RAB13: variants seen among roughly 807,000 people sequenced by gnomAD.
RAB13 encodes ras-related protein Rab-13.
RAB13 carries 15 observed loss-of-function variants against 29.3 expected under a neutral mutation model. That is an observed-to-expected ratio of 0.51 (90% CI 0.34 to 0.79). RAB13 has a LOEUF of 0.79. RAB13 is among the 30% of genes least tolerant of loss of function. The pLI, the probability that RAB13 is intolerant of heterozygous loss-of-function variation, is 0.01. For missense variants in RAB13, 186 were observed against 255.5 expected, an observed-to-expected ratio of 0.73 and a Z score of 1.85; for synonymous variants, 82 against 93.8, an observed-to-expected ratio of 0.87 and a Z score of 0.73.
At chr1:153,985,757 G>T (rs1211254719) in intron 1 of RAB13, among the ~76,000 whole-genome samples, 1 of 152,098 alleles carries the variant, frequency 6.6e-6, no homozygotes, top group Non-Finnish European at 1.5e-5. Flanking sequence ...TGGCGGACAG[G>T]GATACAGGAA....
chr1:153,982,897 C>T (rs1196729788), intron 4 of RAB13, 89 bp from the exon 5 acceptor site: 9 of 1,279,570 alleles, frequency 7.0e-6, no homozygotes, highest in African/African-American at 2.9e-5. Flanking sequence ...GAGGCCAAGG[C>T]GGGTGGATCA....
upstream of RAB13, among the ~76,000 whole-genome samples, chr1:153,988,748 A>C (rs1231365322): frequency 6.8e-6 from 1 of 146,562 alleles, no homozygotes; most frequent in East Asian, 2.0e-4. Flanking sequence ...CGAGTAGCTG[A>C]AATTACAGAC....
upstream of RAB13, among the ~76,000 whole-genome samples, chr1:153,988,982 C>T (rs1649268143): frequency 6.7e-6 from 1 of 148,320 alleles, no homozygotes; most frequent in African/African-American, 2.4e-5. Context: ...TGCAATGGCT[C>T]AATCTCTGGT....
At chr1:153,984,689 G>C (rs748141261) in intron 2 of RAB13, 32 bp downstream of exon 2, 2 of 1,581,774 alleles carry the variant, frequency 1.3e-6, no homozygotes. Context: ...AAATGGGGAA[G>C]TCTGGCGAGG....
At chr1:153,983,019 G>A in intron 4 of RAB13, 200 bp downstream of exon 4, 1 of 723,014 alleles carries the variant, frequency 1.4e-6, no homozygotes, top group Non-Finnish European at 2.4e-6. Context: ...CAGCTACTTG[G>A]GAGGCTGAGG....
chr1:153,985,366 C>T (rs1214945350), intron 1 of RAB13: 3 of 983,886 alleles, frequency 3.0e-6, no homozygotes, highest in Non-Finnish European at 3.6e-6. Flanking sequence ...GTCTATTTCC[C>T]AAGCCAGAGG....
chr1:153,987,940 T>C (rs887249997), upstream of RAB13, among the ~76,000 whole-genome samples: 3 of 151,968 alleles, frequency 2.0e-5, no homozygotes, highest in African/African-American at 7.2e-5. Context: ...GCCTCGGTGA[T>C]AGAGTAAGAT....
rs774929383 is a variant in RAB13 at position 153,984,788 on chromosome 1, G to C, written c.125-7C>G. Reference sequence around the variant, plus strand: ...CGGATCTTGAAATCAATTCCTAGGGGTGGAAGGTATGCACTGAAGTTGAGA... The same window carrying C: ...CGGATCTTGAAATCAATTCCTAGGGCTGGAAGGTATGCACTGAAGTTGAGA... On this transcript the variant is annotated splice_polypyrimidine_tract_variant and splice_region_variant and intron_variant, in intron 1 of 7. Transcript: ENST00000368575. 6.2e-7 allele frequency: 1 copy of C among 1,611,830 alleles called. No individual in the cohort carries two copies. Among genetic ancestry groups the C allele is most frequent in the Admixed American group, 1.7e-5 (1 of 59,664 alleles).
At chr1:153,982,351 A>G in intron 7 of RAB13, 40 bp downstream of exon 7, 1 of 1,566,608 alleles carries the variant, frequency 6.4e-7, no homozygotes. Context: ...ACACACACAC[A>G]CACCCCAGAG....
chr1:153,988,071 G>A (rs1649236749), upstream of RAB13, among the ~76,000 whole-genome samples: 1 of 151,362 alleles, frequency 6.6e-6, no homozygotes, highest in Admixed American at 6.6e-5. Context: ...TGCAACCTCC[G>A]CCTCCCGAAT....
At chr1:153,983,422 C>T (rs1649059612) in intron 3 of RAB13, 99 bp downstream of exon 3, 2 of 1,474,174 alleles carry the variant, frequency 1.4e-6, no homozygotes, top group Non-Finnish European at 1.9e-6. Flanking sequence ...CCACACTGCA[C>T]CCCTCCCATT....
chr1:153,987,348 T>TAC (rs550441211), upstream of RAB13, among the ~76,000 whole-genome samples: 82 of 150,124 alleles, frequency 5.5e-4, no homozygotes, highest in East Asian at 7.3e-3. Context: ...CTACTAAAAA[T>TAC]ACACACACAC....
upstream of RAB13, among the ~76,000 whole-genome samples, chr1:153,986,647 A>G (rs1484657193): frequency 6.6e-6 from 1 of 152,066 alleles, no homozygotes; most frequent in Non-Finnish European, 1.5e-5. Flanking sequence ...TAGAGGGATT[A>G]GGGGAAGAGA....
upstream of RAB13, among the ~76,000 whole-genome samples, chr1:153,989,981 G>A (rs953398007): frequency 3.3e-5 from 5 of 152,072 alleles, no homozygotes; most frequent in African/African-American, 1.2e-4. Context: ...CCCTTCTCAA[G>A]CTAAACTATT....
upstream of RAB13, among the ~76,000 whole-genome samples, chr1:153,986,764 G>A (rs1249916133): frequency 6.6e-6 from 1 of 152,082 alleles, no homozygotes; most frequent in African/African-American, 2.4e-5. Flanking sequence ...TAGAAGATGA[G>A]TTATCATCGG....
chr1:153,982,457 A>G lies in RAB13; in HGVS notation c.481-13T>C. ...GGGAACTAAAAGCCTAAAGTGGGGAACAGAGTCAGTTTGGAGGGAGGAGAA... is the reference window on the plus strand; with the variant it reads ...GGGAACTAAAAGCCTAAAGTGGGGAGCAGAGTCAGTTTGGAGGGAGGAGAA... On this transcript the variant is annotated splice_polypyrimidine_tract_variant and intron_variant, in intron 6 of 7. Coordinates refer to ENST00000368575, the MANE Select transcript of RAB13 (RefSeq NM_002870.5). The G allele has an allele frequency of 6.2e-7, 1 of 1,613,442 alleles. No homozygotes were observed. The highest frequency in any genetic ancestry group is 8.5e-7 in the Non-Finnish European group (1 of 1,179,360).
At chr1:153,985,733 G>T (rs1239845863) in intron 1 of RAB13, among the ~76,000 whole-genome samples, 3 of 152,052 alleles carry the variant, frequency 2.0e-5, no homozygotes, top group African/African-American at 7.2e-5. Flanking sequence ...GCATCGGATC[G>T]GGAGAAAAAG....
At chr1:153,985,975 G>A in intron 1 of RAB13, 138 bp downstream of exon 1, 1 of 1,441,836 alleles carries the variant, frequency 6.9e-7, no homozygotes, top group Non-Finnish European at 9.3e-7. Flanking sequence ...CGGGGGAAGG[G>A]TCAGAGCCAG....
At chr1:153,982,910 T>A in intron 4 of RAB13, 102 bp from the exon 5 acceptor site, 1 of 1,132,926 alleles carries the variant, frequency 8.8e-7, no homozygotes. Context: ...GTGGATCACC[T>A]GATGCAGGAG....
Sources: allele counts gnomAD v4.1 joint callset (sites outside exome capture counted in the v4.1 genomes callset), GRCh38; gene constraint gnomAD v4.1.1; transcripts MANE v1.5; gene names NCBI Gene and HGNC (gene_info 2026-07-23, HGNC 2026-07-21).